The following GFOD1 variants were observed in gnomAD, a reference collection of about 807,000 sequenced individuals.
GFOD1 encodes the protein glucose-fructose oxidoreductase domain-containing protein 1.
GFOD1 carries 9 observed loss-of-function variants against 25.4 expected under a neutral mutation model. The observed-to-expected ratio is 0.35, with a 90% CI of 0.21 to 0.62. The LOEUF is 0.62. GFOD1 is among the 20% of genes least tolerant of loss of function. The pLI, the probability that GFOD1 is intolerant of heterozygous loss-of-function variation, is 0.72. For synonymous variants in GFOD1, 253 were observed against 245.6 expected, an observed-to-expected ratio of 1.03 and a Z score of -0.28; for missense variants, 403 against 556.9, an observed-to-expected ratio of 0.72 and a Z score of 2.78.
At chr6:13,401,098 C>T (rs1262317731) in intron 1 of GFOD1, among the ~76,000 whole-genome samples, 1 of 152,134 alleles carries the variant, frequency 6.6e-6, no homozygotes, top group Non-Finnish European at 1.5e-5. Flanking sequence ...AGAGCCGAGA[C>T]CCATTTAAGG....
intron 1 of GFOD1, among the ~76,000 whole-genome samples, chr6:13,409,088 GGAAAGAAAGAAAGAAAGAAAGAAA>G (rs879779509): frequency 1.1e-4 from 4 of 36,672 alleles, no homozygotes; most frequent in African/African-American, 4.0e-4. Flanking sequence ...CCATCAGAAA[GGAAAGAAAGAAAGAAAGAAAGAAA>G]GAAAGAAAGA....
At position 13,365,702 on chromosome 6, in the gene GFOD1, C is replaced by T; in HGVS notation, c.254-40G>A. On this transcript the variant is annotated intron_variant, in intron 1 of 1. Transcript: ENST00000379287. This position sits in a 1 kb window ranked among gnomAD's most constrained non-coding sequence, Gnocchi z 9.2. Reference sequence around the variant, plus strand: ...AAGACAGCGGTCAGCGGGGCAGGACCATGTCCGAGCGCGCGTCCCTGGGTC... The same window carrying T: ...AAGACAGCGGTCAGCGGGGCAGGACTATGTCCGAGCGCGCGTCCCTGGGTC... 1 of 1,397,408 alleles carries T rather than the reference C, an allele frequency of 7.2e-7. No homozygotes were observed. Among genetic ancestry groups the T allele is most frequent in the African/African-American group, 1.4e-5 (1 of 70,644 alleles). 86.6% of individuals were successfully genotyped at this position (1,397,408 alleles called of 1,614,324 possible).
intron 1 of GFOD1, among the ~76,000 whole-genome samples, chr6:13,433,616 T>C (rs1294401149): frequency 2.0e-5 from 3 of 152,192 alleles, no homozygotes; most frequent in African/African-American, 7.2e-5. Context: ...AAAGGAGGAC[T>C]TTCATGGAAG....
intron 1 of GFOD1, among the ~76,000 whole-genome samples, chr6:13,449,635 C>T (rs529157546): frequency 9.9e-5 from 15 of 152,176 alleles, no homozygotes; most frequent in African/African-American, 3.6e-4. Flanking sequence ...GGGCGGTTTC[C>T]CCCATATTGT....
chr6:13,362,693 G>A lies in GFOD1; in HGVS notation c.*2050C>T, dbSNP rs930133741. 1 of 152,200 alleles carries A rather than the reference G, an allele frequency of 6.6e-6. No homozygotes were observed. The highest frequency in any genetic ancestry group is 6.5e-5 in the Admixed American group (1 of 15,272). 9.4% of individuals were successfully genotyped at this position (152,200 alleles called of 1,614,324 possible). ...CCCTGCAGTGCTGTAGCAAAGCCTCGGGAAGCAGGGCGACTCTTTCCAGGA... is the reference window on the plus strand; with the variant it reads ...CCCTGCAGTGCTGTAGCAAAGCCTCAGGAAGCAGGGCGACTCTTTCCAGGA... On this transcript the variant is annotated 3_prime_UTR_variant, in exon 2 of 2. Transcript: ENST00000379287.
At chr6:13,467,065 C>T (rs1260355441) in intron 1 of GFOD1, among the ~76,000 whole-genome samples, 2 of 151,582 alleles carry the variant, frequency 1.3e-5, no homozygotes, top group Admixed American at 6.6e-5. Context: ...AGAAAGAATG[C>T]TTTCTGGTAT....
At chr6:13,442,864 C>T (rs1175236657) in intron 1 of GFOD1, among the ~76,000 whole-genome samples, 1 of 152,178 alleles carries the variant, frequency 6.6e-6, no homozygotes, top group East Asian at 1.9e-4. Flanking sequence ...ATGCCTGTAG[C>T]CCATGGATCA....
chr6:13,465,501 C>T (rs2560753), intron 1 of GFOD1, among the ~76,000 whole-genome samples: 139,501 of 152,240 alleles, frequency 0.92, 65,033 homozygotes, highest in East Asian at 1. Context: ...GTGATTCACA[C>T]GCACATTAAA....
At chr6:13,408,944 G>T (rs567500925) in intron 1 of GFOD1, among the ~76,000 whole-genome samples, 1 of 151,910 alleles carries the variant, frequency 6.6e-6, no homozygotes, top group African/African-American at 2.4e-5. Context: ...AATTAGCCAG[G>T]TATGGTGGCA....
At chr6:13,473,119 T>A (rs1363952942) in intron 1 of GFOD1, among the ~76,000 whole-genome samples, 1 of 152,140 alleles carries the variant, frequency 6.6e-6, no homozygotes, top group Non-Finnish European at 1.5e-5. Flanking sequence ...GAGAGGCATG[T>A]CCACATGTCA....
chr6:13,455,932 C>T (rs748923069), intron 1 of GFOD1, among the ~76,000 whole-genome samples: 20 of 152,210 alleles, frequency 1.3e-4, no homozygotes, highest in Non-Finnish European at 2.4e-4. Context: ...TTACTAGAGG[C>T]ATACCTCTGT....
chr6:13,480,044 C>T (rs939783614), intron 1 of GFOD1, among the ~76,000 whole-genome samples: 2 of 152,184 alleles, frequency 1.3e-5, no homozygotes, highest in Non-Finnish European at 2.9e-5. Flanking sequence ...CTCTCTCAAC[C>T]CCATTTCCTC....
At chr6:13,432,716 T>C (rs1219496138) in intron 1 of GFOD1, among the ~76,000 whole-genome samples, 1 of 152,190 alleles carries the variant, frequency 6.6e-6, no homozygotes, top group Admixed American at 6.5e-5. Flanking sequence ...GGTTCCAGCC[T>C]GTGGCCTGTG....
At chr6:13,383,520 G>GA (rs1785405653) in intron 1 of GFOD1, among the ~76,000 whole-genome samples, 1 of 152,170 alleles carries the variant, frequency 6.6e-6, no homozygotes, top group Admixed American at 6.5e-5. Context: ...CATACACTAG[G>GA]AAAAAATCAA....
intron 1 of GFOD1, among the ~76,000 whole-genome samples, chr6:13,419,440 C>T (rs1786216692): frequency 6.6e-6 from 1 of 152,196 alleles, no homozygotes; most frequent in Non-Finnish European, 1.5e-5. Context: ...CAGAGACCGC[C>T]ATCCTCTCTC....
chr6:13,384,778 T>C (rs1459029709), intron 1 of GFOD1, among the ~76,000 whole-genome samples: 1 of 152,232 alleles, frequency 6.6e-6, no homozygotes, highest in African/African-American at 2.4e-5. Flanking sequence ...AGCTCTCTGA[T>C]GCACTGTAAA....
At chr6:13,386,910 G>A (rs1018893865) in intron 1 of GFOD1, among the ~76,000 whole-genome samples, 6 of 152,164 alleles carry the variant, frequency 3.9e-5, no homozygotes, top group Non-Finnish European at 5.9e-5. Context: ...GGGTCAAGAA[G>A]TTTGGGAAAT....
rs879779509 is a variant in GFOD1, at chr6:13,409,088, GGAAAGAAAGAAAGAAAGAAA to G, written c.254-43446_254-43427del. 1.3e-3 allele frequency among the ~76,000 whole-genome samples: 46 copies of G among 36,720 alleles called. 2 individuals are homozygous for G. Among genetic ancestry groups the G allele is most frequent in the African/African-American group, 4.1e-3 (42 of 10,144 alleles). 24.1% of individuals were successfully genotyped at this position (36,720 alleles called of 152,430 possible). On this transcript the variant is annotated intron_variant, in intron 1 of 1. Coordinates refer to ENST00000379287, the MANE Select transcript of GFOD1 (RefSeq NM_018988.4). Reference sequence around the variant, plus strand: ...TGACAGAGTGAGACTCCATCAGAAAGGAAAGAAAGAAAGAAAGAAAGAAAGAAAGAAAGAAAGAAAGAAAG... The same window carrying G: ...TGACAGAGTGAGACTCCATCAGAAAGGAAAGAAAGAAAGAAAGAAAGAAAG...
chr6:13,362,113 A>T lies in GFOD1; in HGVS notation c.*2630T>A, dbSNP rs1486644840. On this transcript the variant is annotated 3_prime_UTR_variant, in exon 2 of 2. Transcript: ENST00000379287. ...CCCTTCAGGCTAGCTAGAAAATAAT[A>T]ATAATAATAATTCCAATGTTTCCCC... The T allele has an allele frequency of 1.3e-5, 2 of 152,152 alleles. No homozygotes were observed. Among genetic ancestry groups the T allele is most frequent in the African/African-American group, 4.8e-5 (2 of 41,418 alleles). The allele number at this position is 152,152 out of a possible 1,614,324, so 9.4% of individuals were successfully genotyped here.
Sources: gnomAD v4.1 joint callset for allele counts (sites outside exome capture counted in the v4.1 genomes callset) on GRCh38, gnomAD v4.1.1 for gene constraint, Gnocchi (gnomAD v3.1) non-coding constraint, MANE v1.5 for transcripts, NCBI Gene and HGNC (gene_info 2026-07-23, HGNC 2026-07-21) for gene names.